The following GLMN variants were observed in gnomAD, a reference collection of about 807,000 sequenced individuals.
GLMN encodes glomulin, FKBP associated protein, also known as glomulin.
In GLMN, 75 loss-of-function variants were observed where a neutral mutation model predicts 87.8. That is an observed-to-expected ratio of 0.85 (90% confidence interval 0.71 to 1.04). The LOEUF (loss-of-function observed/expected upper bound fraction) is 1.04, where lower values mean the gene tolerates loss of function less well. Among genes scored for constraint, GLMN ranks in the 50% least tolerant of loss-of-function variants. The pLI, the probability that GLMN is intolerant of heterozygous loss-of-function variation, is 0.00. For synonymous variants in GLMN, 206 were observed against 221.6 expected (o/e 0.93, Z 0.63); for missense variants, 588 against 658.8 (o/e 0.89, Z 1.18).
At chr1:92,286,221 T>G (rs1221537802) in intron 7 of GLMN, among the ~76,000 whole-genome samples, 2 of 150,664 alleles carry the variant, frequency 1.3e-5, no homozygotes, top group African/African-American at 4.9e-5. Flanking sequence ...AAAGGTAGAT[T>G]ACAAGATTAT....
intron 7 of GLMN, among the ~76,000 whole-genome samples, chr1:92,277,200 T>C (rs1471939493): frequency 1.3e-5 from 2 of 152,150 alleles, no homozygotes; most frequent in Non-Finnish European, 2.9e-5. Context: ...AAACAAAAAA[T>C]ATCCATACAT....
chr1:92,246,437 A>G lies in GLMN; in HGVS notation c.*93T>C. ...AAGCTACATTTATTTTTCAAGCAGT[A>G]AATTTTTACAGAAAAATTTTTTATA... On this transcript the variant is annotated 3_prime_UTR_variant, in exon 19 of 19. Transcript: ENST00000370360. 1.5e-6 allele frequency: 1 copy of G among 675,884 alleles called. No homozygotes were observed. Among genetic ancestry groups the G allele is most frequent in the Non-Finnish European group, 2.7e-6 (1 of 376,526 alleles). The allele number at this position is 675,884 out of a possible 1,614,324, so 41.9% of individuals were successfully genotyped here.
At position 92,263,752 on chromosome 1, in the gene GLMN, T is replaced by C. The variant is rs145937181; in HGVS notation, c.1300-20A>G. 1 of 1,131,282 alleles carries C rather than the reference T, an allele frequency of 8.8e-7. No individual in the cohort carries two copies. Among genetic ancestry groups the C allele is most frequent in the Admixed American group, 1.7e-5 (1 of 59,454 alleles). The allele number at this position is 1,131,282 out of a possible 1,614,324, so 70.1% of individuals were successfully genotyped here. ...TGTTCTCTGAAAAGCAAACGAAAAA[T>C]TGAGAAAGCTTTATAATTCATGTAA... On this transcript the variant is annotated intron_variant, in intron 14 of 18. Transcript: ENST00000370360.
intron 7 of GLMN, 74 bp downstream of exon 7, chr1:92,286,416 A>G: frequency 1.4e-6 from 1 of 723,262 alleles, no homozygotes; most frequent in Non-Finnish European, 2.5e-6. Context: ...GAATGTATCA[A>G]TTTACATGTG....
At chr1:92,259,732 C>CTTTTTTTTTTT (rs58390058) in intron 16 of GLMN, among the ~76,000 whole-genome samples, 2 of 108,190 alleles carry the variant, frequency 1.8e-5, no homozygotes, top group Non-Finnish European at 3.7e-5. Flanking sequence ...TTTTTTCTTT[C>CTTTTTTTTTTT]TTTTTTTTTT....
chr1:92,297,374 C>G, intron 3 of GLMN, 30 bp downstream of exon 3: 2 of 1,608,708 alleles, frequency 1.2e-6, no homozygotes, highest in Non-Finnish European at 1.7e-6. Context: ...CTTCCCAAGA[C>G]TGAAAAGTAA....
chr1:92,356,604 T>TC, the GLMN span, among the ~76,000 whole-genome samples: 13 of 147,558 alleles, frequency 8.8e-5, no homozygotes, highest in Non-Finnish European at 1.3e-4. Flanking sequence ...TTTTTTTTTT[T>TC]CTGTATTTTT....
chr1:92,364,655 A>G, the GLMN span, among the ~76,000 whole-genome samples: 2 of 152,060 alleles, frequency 1.3e-5, no homozygotes, highest in East Asian at 1.9e-4. Flanking sequence ...TTTATCTCTC[A>G]TATCTAATCA....
intron 16 of GLMN, among the ~76,000 whole-genome samples, chr1:92,254,665 T>G (rs944204573): frequency 2.0e-5 from 3 of 152,134 alleles, no homozygotes; most frequent in African/African-American, 7.2e-5. Context: ...AGATTAAGCT[T>G]CATAAGTGAA....
At chr1:92,369,539 A>T in the GLMN span, among the ~76,000 whole-genome samples, 1 of 152,072 alleles carries the variant, frequency 6.6e-6, no homozygotes, top group Non-Finnish European at 1.5e-5. Flanking sequence ...TCCAGGCCTC[A>T]AACAGTCTTC....
the GLMN span, among the ~76,000 whole-genome samples, chr1:92,362,137 A>G: frequency 4.6e-5 from 7 of 152,206 alleles, no homozygotes; most frequent in Non-Finnish European, 8.8e-5. Context: ...TGAAAGTTAT[A>G]AGGAGAAAAA....
chr1:92,276,339 A>C (rs1045239312), intron 7 of GLMN, among the ~76,000 whole-genome samples: 1 of 152,086 alleles, frequency 6.6e-6, no homozygotes, highest in African/African-American at 2.4e-5. Flanking sequence ...TGGTTATTAG[A>C]TATATATTAA....
intron 7 of GLMN, among the ~76,000 whole-genome samples, chr1:92,277,720 G>A (rs954224175): frequency 6.6e-6 from 1 of 152,166 alleles, no homozygotes; most frequent in Non-Finnish European, 1.5e-5. Flanking sequence ...CCAGTAGGGT[G>A]GTGCATCCAG....
chr1:92,331,785 T>G, the GLMN span, among the ~76,000 whole-genome samples: 1 of 152,196 alleles, frequency 6.6e-6, no homozygotes, highest in East Asian at 1.9e-4. Context: ...CTGAGATCAT[T>G]TGCCTTGTGC....
the GLMN span, chr1:92,323,876 A>T: frequency 6.2e-7 from 1 of 1,614,146 alleles, no homozygotes; most frequent in South Asian, 1.1e-5. Context: ...GAAAGTGAAT[A>T]CAGTAGGTCA....
the GLMN span, chr1:92,323,563 A>G: frequency 1.2e-6 from 2 of 1,613,798 alleles, no homozygotes; most frequent in Non-Finnish European, 1.7e-6. Context: ...TCACAGTGAT[A>G]GTAGCAGTGA....
chr1:92,252,713 TAATA>T (rs1653683656), intron 16 of GLMN, among the ~76,000 whole-genome samples: 2 of 152,144 alleles, frequency 1.3e-5, no homozygotes, highest in African/African-American at 4.8e-5. Flanking sequence ...TTTAAAGAAA[TAATA>T]AATACTACAA....
chr1:92,281,683 T>C (rs1003311965), intron 7 of GLMN, among the ~76,000 whole-genome samples: 1 of 151,832 alleles, frequency 6.6e-6, no homozygotes. Context: ...GCAAATTGAA[T>C]AAAGAGTCAA....
intron 17 of GLMN, among the ~76,000 whole-genome samples, chr1:92,247,355 A>G (rs1652828737): frequency 6.6e-6 from 1 of 152,238 alleles, no homozygotes; most frequent in Non-Finnish European, 1.5e-5. Flanking sequence ...TTCTTTAGAT[A>G]AATAGCATTA....
Sources: allele counts gnomAD v4.1 joint callset (sites outside exome capture counted in the v4.1 genomes callset), GRCh38; gene constraint gnomAD v4.1.1; transcripts MANE v1.5; gene names NCBI Gene and HGNC (gene_info 2026-07-23, HGNC 2026-07-21).